The following SHANK2 variants were observed in gnomAD, a reference collection of about 807,000 sequenced individuals.
SHANK2 encodes the protein SH3 and multiple ankyrin repeat domains protein 2.
Under a neutral mutation model 133.7 loss-of-function variants are expected in SHANK2, and 43 were observed. The observed-to-expected ratio is 0.32, with a 90% confidence interval of 0.25 to 0.41. SHANK2 has a LOEUF of 0.41. SHANK2 is among the 10% of genes least tolerant of loss of function. SHANK2 has a pLI of 1.00. For missense variants in SHANK2, 1,994 were observed against 2,235.8 expected (o/e 0.89, Z 2.18); for synonymous variants, 1,017 against 952.8 (o/e 1.07, Z -1.24).
intron 17 of SHANK2, among the ~76,000 whole-genome samples, chr11:70,586,975 G>A (rs1276299010): frequency 6.6e-6 from 1 of 152,130 alleles, no homozygotes; most frequent in Non-Finnish European, 1.5e-5. Context: ...TCCGAAGATT[G>A]TTATTCGAGG....
chr11:71,215,078 C>G (rs1312963219), intron 2 of SHANK2, among the ~76,000 whole-genome samples: 2 of 152,210 alleles, frequency 1.3e-5, no homozygotes, highest in African/African-American at 4.8e-5. Flanking sequence ...GCCATTCTCC[C>G]ACAGCCCACA....
At chr11:70,551,053 C>T (rs2059760851) in intron 17 of SHANK2, among the ~76,000 whole-genome samples, 1 of 152,188 alleles carries the variant, frequency 6.6e-6, no homozygotes, top group African/African-American at 2.4e-5. Context: ...GCTGGAGTGC[C>T]AGCGGACCCC....
chr11:71,229,609 A>C (rs1194329138), intron 1 of SHANK2, among the ~76,000 whole-genome samples: 1 of 152,012 alleles, frequency 6.6e-6, no homozygotes, highest in Non-Finnish European at 1.5e-5. Flanking sequence ...TCTCTATTAC[A>C]AATACAAAAA....
At chr11:70,511,142 C>T (rs571683651) in intron 17 of SHANK2, among the ~76,000 whole-genome samples, 27 of 152,284 alleles carry the variant, frequency 1.8e-4, no homozygotes, top group African/African-American at 5.5e-4. Flanking sequence ...TGTGCCCCAG[C>T]GCCCATCAAC....
chr11:70,480,451 G>A (rs1476689725), intron 25 of SHANK2, among the ~76,000 whole-genome samples: 1 of 152,194 alleles, frequency 6.6e-6, no homozygotes, highest in Non-Finnish European at 1.5e-5. Context: ...ACCTGCTGGT[G>A]CATCACAGCC....
At chr11:70,730,826 CTT>C (rs34081906) in intron 14 of SHANK2, among the ~76,000 whole-genome samples, 51,858 of 126,952 alleles carry the variant, frequency 0.41, 6,655 homozygotes, top group African/African-American at 0.54. Context: ...TTTTTTATTT[CTT>C]TTTTTTTTTT....
chr11:70,947,156 C>CTCGTG, intron 10 of SHANK2, among the ~76,000 whole-genome samples: 1 of 127,094 alleles, frequency 7.9e-6, no homozygotes. Flanking sequence ...CACACACACA[C>CTCGTG]ACACACACAC....
rs541411547 is a variant in SHANK2 at position 70,928,725 on chromosome 11, G to A, written c.1108-32158C>T. On this transcript the variant is annotated intron_variant, in intron 10 of 25. Coordinates refer to ENST00000601538, the MANE Select transcript of SHANK2 (RefSeq NM_012309.5). ...ACCAAGGGAGAAAAACTTGCAAGCCGGCCAAGATATGAGCACTGATAAAGG... is the reference window on the plus strand; with the variant it reads ...ACCAAGGGAGAAAAACTTGCAAGCCAGCCAAGATATGAGCACTGATAAAGG... Among the ~76,000 whole-genome samples the A allele has an allele frequency of 7.4e-4, 113 of 152,244 alleles. 1 individual carries two copies. The highest frequency in any genetic ancestry group is 3.9e-4 in the Admixed American group (6 of 15,300).
chr11:70,873,468 G>T (rs565676305), intron 11 of SHANK2, among the ~76,000 whole-genome samples: 14 of 152,342 alleles, frequency 9.2e-5, no homozygotes, highest in African/African-American at 3.4e-4. Context: ...TTCCGTGGAG[G>T]AGGAGGGGCT....
At chr11:70,549,881 A>G (rs1271263919) in intron 17 of SHANK2, among the ~76,000 whole-genome samples, 4 of 152,252 alleles carry the variant, frequency 2.6e-5, no homozygotes, top group Admixed American at 1.3e-4. Flanking sequence ...CGAAAGACAC[A>G]GCGAAGCTCC....
At chr11:70,547,531 G>C (rs1321270325) in intron 17 of SHANK2, among the ~76,000 whole-genome samples, 1 of 152,116 alleles carries the variant, frequency 6.6e-6, no homozygotes, top group African/African-American at 2.4e-5. Context: ...AAAATGTAGG[G>C]ATTACACGCA....
chr11:70,605,318 G>C (rs577561960), intron 17 of SHANK2, among the ~76,000 whole-genome samples: 1 of 152,230 alleles, frequency 6.6e-6, no homozygotes, highest in African/African-American at 2.4e-5. Flanking sequence ...AGCCCAGCCC[G>C]GAGACAGCCT....
intron 17 of SHANK2, among the ~76,000 whole-genome samples, chr11:70,630,086 A>G (rs1258306289): frequency 6.6e-6 from 1 of 152,210 alleles, no homozygotes; most frequent in East Asian, 1.9e-4. Flanking sequence ...CGGGAGATGC[A>G]CTACCGTGGG....
chr11:70,574,376 G>A (rs1248837098), intron 17 of SHANK2, among the ~76,000 whole-genome samples: 3 of 152,254 alleles, frequency 2.0e-5, no homozygotes, highest in Non-Finnish European at 2.9e-5. Flanking sequence ...AGGGTAGGGG[G>A]TGGGGGTCTT....
At chr11:70,859,526 G>A (rs1246747397) in intron 11 of SHANK2, among the ~76,000 whole-genome samples, 2 of 152,126 alleles carry the variant, frequency 1.3e-5, no homozygotes, top group African/African-American at 4.8e-5. Context: ...ATGGGTGAGT[G>A]GATGGATGAA....
intron 17 of SHANK2, among the ~76,000 whole-genome samples, chr11:70,628,980 G>A (rs537486644): frequency 1.3e-4 from 20 of 152,312 alleles, no homozygotes; most frequent in African/African-American, 2.6e-4. Flanking sequence ...TGTTGTGAGC[G>A]GAAGAGAAAT....
At chr11:70,690,670 C>CATAAATATAAAT (rs60007949) in intron 15 of SHANK2, among the ~76,000 whole-genome samples, 19,136 of 130,004 alleles carry the variant, frequency 0.15, 1,546 homozygotes, top group Admixed American at 0.18. Context: ...ACTTAGAACC[C>CATAAATATAAAT]ATAAATATAA....
At chr11:70,505,981 C>T (rs12364162) in intron 17 of SHANK2, among the ~76,000 whole-genome samples, 1 of 152,092 alleles carries the variant, frequency 6.6e-6, no homozygotes, top group Non-Finnish European at 1.5e-5. Context: ...TTGGGAGAAG[C>T]AGTTTGTTCC....
intron 1 of SHANK2, among the ~76,000 whole-genome samples, chr11:71,228,805 C>T (rs748140310): frequency 2.6e-4 from 40 of 151,990 alleles, no homozygotes; most frequent in African/African-American, 7.2e-4. Flanking sequence ...CTTATACAAA[C>T]GTAAATCAAA....
Sources: gnomAD v4.1 joint callset for allele counts (sites outside exome capture counted in the v4.1 genomes callset) on GRCh38, gnomAD v4.1.1 for gene constraint, MANE v1.5 for transcripts, NCBI Gene and HGNC (gene_info 2026-07-23, HGNC 2026-07-21) for gene names.